Variants in EFCAB7 observed in about 807,000 individuals in gnomAD.
EFCAB7 encodes EF-hand calcium binding domain 7, also known as EF-hand calcium-binding domain-containing protein 7.
In EFCAB7, 66 loss-of-function variants were observed where a neutral mutation model predicts 77.1. The observed-to-expected ratio is 0.86, with a 90% CI of 0.70 to 1.05. EFCAB7 has a LOEUF of 1.05. Ranked by LOEUF, EFCAB7 falls within the 50% of genes least tolerant of loss-of-function variation. EFCAB7 has a pLI of 0.00. For missense variants in EFCAB7, 638 were observed against 730.5 expected (o/e 0.87, Z 1.46); for synonymous variants, 225 against 243.3 (o/e 0.92, Z 0.70).
intron 6 of EFCAB7, among the ~76,000 whole-genome samples, chr1:63,543,971 C>CT (rs35018430): frequency 0.044 from 5,728 of 131,062 alleles, 229 homozygotes; most frequent in African/African-American, 0.1. Context: ...TTTCTTTTTT[C>CT]TTTTTTTTTT....
chr1:63,561,622 T>A (rs1049129515), intron 10 of EFCAB7, 87 bp from the exon 11 acceptor site: 10 of 810,354 alleles, frequency 1.2e-5, no homozygotes. Context: ...AAAATAAATA[T>A]CTATGAATAA....
At chr1:63,564,141 T>A (rs1450095580) in intron 11 of EFCAB7, among the ~76,000 whole-genome samples, 2 of 152,174 alleles carry the variant, frequency 1.3e-5, no homozygotes, top group Non-Finnish European at 2.9e-5. Context: ...TTAAGTAACA[T>A]CCCATAATCT....
At chr1:63,579,617 C>T in the EFCAB7 span, among the ~76,000 whole-genome samples, 13 of 152,110 alleles carry the variant, frequency 8.5e-5, no homozygotes, top group East Asian at 5.8e-4. Flanking sequence ...TTTAAGAAAC[C>T]GCCAAAGTGT....
chr1:63,581,076 T>C, the EFCAB7 span, among the ~76,000 whole-genome samples: 3 of 152,164 alleles, frequency 2.0e-5, no homozygotes, highest in African/African-American at 7.2e-5. Context: ...TTTCTTGCCT[T>C]ATTGCATTGG....
At chr1:63,582,945 G>A in the EFCAB7 span, among the ~76,000 whole-genome samples, 18 of 152,186 alleles carry the variant, frequency 1.2e-4, no homozygotes, top group African/African-American at 4.1e-4. Flanking sequence ...CAAAAGTTTA[G>A]TGCCAGCAAA....
At chr1:63,538,064 A>G (rs1290029394) in intron 6 of EFCAB7, among the ~76,000 whole-genome samples, 1 of 152,218 alleles carries the variant, frequency 6.6e-6, no homozygotes, top group African/African-American at 2.4e-5. Flanking sequence ...GAAAATAAGT[A>G]AAATTTGTAT....
chr1:63,566,675 A>T (rs966761473), intron 11 of EFCAB7, among the ~76,000 whole-genome samples: 2 of 151,986 alleles, frequency 1.3e-5, no homozygotes, highest in African/African-American at 4.8e-5. Flanking sequence ...ATAAACCTTT[A>T]AAAATGCCAT....
chr1:63,541,810 A>G (rs548650512), intron 6 of EFCAB7, among the ~76,000 whole-genome samples: 4 of 152,210 alleles, frequency 2.6e-5, no homozygotes, highest in African/African-American at 9.6e-5. Context: ...TGATGCACCC[A>G]CCTTGGCCTC....
Position 63,532,652 on chromosome 1 carries a change from C to A in EFCAB7, c.400-18C>A. ...GTAATCATGTTGCTTTAAAATAAAT[C>A]TTGTTTTTTTTTTTCAGAGAGGTGA... On this transcript the variant is annotated intron_variant, in intron 3 of 13. Coordinates refer to ENST00000371088, the MANE Select transcript of EFCAB7 (RefSeq NM_032437.4). 3 of 1,557,406 alleles carry A rather than the reference C, an allele frequency of 1.9e-6. No homozygotes were observed. Among genetic ancestry groups the A allele is most frequent in the Non-Finnish European group, 2.6e-6 (3 of 1,149,890 alleles).
chr1:63,576,851 T>TA (rs71052492), downstream of EFCAB7, among the ~76,000 whole-genome samples: 601 of 150,016 alleles, frequency 4.0e-3, no homozygotes, highest in Middle Eastern at 0.011. Flanking sequence ...AATAAATAAA[T>TA]AATAATAAGT....
At chr1:63,570,791 GGTAA>G (rs1290636762) in intron 12 of EFCAB7, 15 of 315,340 alleles carry the variant, frequency 4.8e-5, no homozygotes, top group Admixed American at 3.9e-4. Flanking sequence ...AAGATTAAAA[GGTAA>G]GTAAGTTTAA....
intron 13 of EFCAB7, among the ~76,000 whole-genome samples, 164 bp from the exon 14 acceptor site, chr1:63,572,278 C>A (rs756659742): frequency 6.6e-6 from 1 of 152,170 alleles, no homozygotes; most frequent in Non-Finnish European, 1.5e-5. Flanking sequence ...TCCTGTTAGA[C>A]CTCAGATCAT....
rs758954826 is a variant in EFCAB7 at position 63,532,063 on chromosome 1, A to G, written c.399+32A>G. ...TCTGTAAAACTGTTTTGTAATGTGC[A>G]TATTTTCTAAAACAGCTTGGAATCT... On this transcript the variant is annotated intron_variant, in intron 3 of 13. Transcript: ENST00000371088. 3.1e-5 allele frequency: 47 copies of G among 1,535,280 alleles called. No individual in the cohort carries two copies. In the Admixed American group the frequency reaches 7.6e-4, roughly 25 times the overall value.
chr1:63,557,207 T>C lies in EFCAB7; in HGVS notation c.1308T>C (p.Ser436=). ...EEYNFFELRT[S]GEKCDEDAWA... is the part of the protein sequence containing the mutation. Reference sequence around the variant, plus strand: ...ATAATTTTTTTGAATTGAGAACAAGTGGTGAGAAATGTGATGAAGATGCTT... The same window carrying C: ...ATAATTTTTTTGAATTGAGAACAAGCGGTGAGAAATGTGATGAAGATGCTT... The change falls in exon 10 of 14, where the codon AGT becomes AGC. Residue 436 remains serine, a synonymous_variant. Coordinates refer to ENST00000371088, the MANE Select transcript of EFCAB7 (RefSeq NM_032437.4). The C allele has an allele frequency of 6.2e-7, 1 of 1,610,154 alleles. No homozygotes were observed. Among genetic ancestry groups the C allele is most frequent in the South Asian group, 1.1e-5 (1 of 89,862 alleles).
rs1013286126 is a variant in EFCAB7 at position 63,560,046 on chromosome 1, C to T, written c.1349-1663C>T. ...TCTTGGCTCACTGCAAGCTTCACCT[C>T]CCGGGTTCACGCCATTCTGCCTCAG... On this transcript the variant is annotated intron_variant, in intron 10 of 13. Transcript: ENST00000371088. 4.9e-4 allele frequency among the ~76,000 whole-genome samples: 75 copies of T among 151,986 alleles called. 4 individuals carry two copies. The highest frequency in any genetic ancestry group is 2.4e-5 in the African/African-American group (1 of 41,376).
chr1:63,573,288 G>A (rs1210824483), downstream of EFCAB7, among the ~76,000 whole-genome samples: 1 of 152,094 alleles, frequency 6.6e-6, no homozygotes, highest in Non-Finnish European at 1.5e-5. Context: ...AGATTTTATG[G>A]TAAGGGGTGA....
chr1:63,525,488 C>T, intron 1 of EFCAB7, 84 bp from the exon 2 acceptor site: 4 of 1,112,400 alleles, frequency 3.6e-6, no homozygotes, highest in East Asian at 2.8e-5. Flanking sequence ...TCTTGATTCT[C>T]CTCCCTGTAT....
the EFCAB7 span, among the ~76,000 whole-genome samples, chr1:63,581,375 C>T: frequency 7.7e-6 from 1 of 130,434 alleles, no homozygotes; most frequent in Non-Finnish European, 1.6e-5. Flanking sequence ...TCAAGAATCC[C>T]GTCTCTTAAA....
At chr1:63,551,593 A>G in intron 7 of EFCAB7, 132 bp from the exon 8 acceptor site, 2 of 320,082 alleles carry the variant, frequency 6.2e-6, no homozygotes, top group Non-Finnish European at 9.7e-6. Flanking sequence ...TCCGTCTTGA[A>G]AAAAAAAAAC....
Sources: gnomAD v4.1 joint callset for allele counts (sites outside exome capture counted in the v4.1 genomes callset) on GRCh38, gnomAD v4.1.1 for gene constraint, MANE v1.5 for transcripts, NCBI Gene and HGNC (gene_info 2026-07-23, HGNC 2026-07-21) for gene names.